The following ABL1 variants were observed in gnomAD, a reference collection of about 807,000 sequenced individuals.
The protein encoded by ABL1 is ABL proto-oncogene 1, non-receptor tyrosine kinase.
A neutral mutation model predicts 94.7 loss-of-function variants in ABL1; 11 were observed. That is an observed-to-expected ratio of 0.12 (90% CI 0.07 to 0.19). ABL1 has a LOEUF of 0.19. ABL1 is among the 10% of genes least tolerant of loss of function. The pLI is 1.00. For missense variants in ABL1, 1,082 were observed against 1,489.4 expected (o/e 0.73, Z 4.50); for synonymous variants, 656 against 622.4 (o/e 1.05, Z -0.80).
chr9:130,787,134 C>T (rs1412261700), intron 1 of ABL1, among the ~76,000 whole-genome samples: 2 of 152,186 alleles, frequency 1.3e-5, no homozygotes, highest in Non-Finnish European at 2.9e-5. Flanking sequence ...CTTTTCCCAT[C>T]CTTTTACTCG....
At chr9:130,791,020 CA>C in intron 1 of ABL1, among the ~76,000 whole-genome samples, 1 of 152,020 alleles carries the variant, frequency 6.6e-6, no homozygotes, top group Admixed American at 6.5e-5. Context: ...TAATGAGAGA[CA>C]AAAATTCTCT....
At chr9:130,788,567 C>G (rs1415456331) in intron 1 of ABL1, among the ~76,000 whole-genome samples, 1 of 152,176 alleles carries the variant, frequency 6.6e-6, no homozygotes, top group Non-Finnish European at 1.5e-5. Context: ...AATGTCCTTT[C>G]TAGCAATTAC....
chr9:130,766,624 A>G (rs1340859622), intron 1 of ABL1, among the ~76,000 whole-genome samples: 1 of 151,866 alleles, frequency 6.6e-6, no homozygotes, highest in Non-Finnish European at 1.5e-5. Flanking sequence ...CCCCAGCATC[A>G]TCTCCCCCCA....
At chr9:130,736,921 T>G (rs1191561723) in intron 1 of ABL1, among the ~76,000 whole-genome samples, 2 of 152,172 alleles carry the variant, frequency 1.3e-5, no homozygotes, top group Non-Finnish European at 2.9e-5. Context: ...CTATATAGAA[T>G]CCAGTACCCT....
At chr9:130,851,391 C>G (rs1344939117) in intron 1 of ABL1, among the ~76,000 whole-genome samples, 1 of 152,112 alleles carries the variant, frequency 6.6e-6, no homozygotes, top group Non-Finnish European at 1.5e-5. Flanking sequence ...CTTACCCTTT[C>G]AGAGAAACAG....
intron 1 of ABL1, among the ~76,000 whole-genome samples, chr9:130,826,955 G>T (rs1223922556): frequency 6.6e-6 from 1 of 152,210 alleles, no homozygotes; most frequent in Non-Finnish European, 1.5e-5. Context: ...GCGGGCGCCT[G>T]TAGTCCCAGC....
At chr9:130,848,367 A>G (rs1394127217) in intron 1 of ABL1, among the ~76,000 whole-genome samples, 1 of 143,684 alleles carries the variant, frequency 7.0e-6, no homozygotes, top group Non-Finnish European at 1.5e-5. Context: ...AAAAAAAAAA[A>G]CTTAGCCAGG....
chr9:130,869,476 A>G (rs769493222), intron 4 of ABL1, among the ~76,000 whole-genome samples: 17 of 152,218 alleles, frequency 1.1e-4, no homozygotes, highest in Non-Finnish European at 2.1e-4. Context: ...ACACAGCAGC[A>G]GAGCTAGGTC....
chr9:130,740,534 A>G (rs1040191116), intron 1 of ABL1, among the ~76,000 whole-genome samples: 2 of 152,228 alleles, frequency 1.3e-5, no homozygotes, highest in South Asian at 2.1e-4. Flanking sequence ...TGGTGGTACT[A>G]TGCCACAGCA....
chr9:130,773,621 GCTAA>G (rs1476398696), intron 1 of ABL1, among the ~76,000 whole-genome samples: 1 of 149,290 alleles, frequency 6.7e-6, no homozygotes. Context: ...ATCATGCCTG[GCTAA>G]CTCTTTTTTT....
upstream of ABL1, chr9:130,833,938 A>C: frequency 4.6e-6 from 2 of 439,278 alleles, no homozygotes; most frequent in Non-Finnish European, 9.4e-6. Context: ...TAGTTATTTG[A>C]CCAAAGATAT....
At chr9:130,804,060 G>GA (rs113128798) in intron 1 of ABL1, among the ~76,000 whole-genome samples, 192 of 134,644 alleles carry the variant, frequency 1.4e-3, no homozygotes, top group Middle Eastern at 3.7e-3. Context: ...GACCTCTTAA[G>GA]AAAAAAAAAA....
chr9:130,826,569 A>C (rs1385655777), intron 1 of ABL1, among the ~76,000 whole-genome samples: 2 of 152,206 alleles, frequency 1.3e-5, no homozygotes, highest in Non-Finnish European at 2.9e-5. Flanking sequence ...GACCTTGATT[A>C]AGAGTGAGCT....
chr9:130,829,289 G>A (rs1351545055), intron 1 of ABL1, among the ~76,000 whole-genome samples: 6 of 152,124 alleles, frequency 3.9e-5, no homozygotes, highest in Admixed American at 6.5e-5. Context: ...GCCCGGGCAC[G>A]GTGGCTCACA....
intron 1 of ABL1, chr9:130,724,998 A>G (rs1033500570): frequency 6.7e-6 from 2 of 300,686 alleles, no homozygotes; most frequent in Non-Finnish European, 1.4e-5. Flanking sequence ...GTGGCCGCAC[A>G]ACGTGTGCAT....
rs1224075422 is a variant in ABL1, at chr9:130,814,515, C to T, written c.137-39549C>T. Reference sequence around the variant, plus strand: ...TCTAAAGATATTGAAAGTGTAATAACTGAATATTGATCAGCAATCTAGAAG... The same window carrying T: ...TCTAAAGATATTGAAAGTGTAATAATTGAATATTGATCAGCAATCTAGAAG... On this transcript the variant is annotated intron_variant, in intron 1 of 10. Coordinates refer to the ABL1 transcript ENST00000372348. The surrounding 1 kb of genome is among the most constrained non-coding windows in gnomAD (Gnocchi z 4.4). 6.6e-6 allele frequency among the ~76,000 whole-genome samples: 1 copy of T among 152,226 alleles called. No individual in the cohort carries two copies. The highest frequency in any genetic ancestry group is 6.5e-5 in the Admixed American group (1 of 15,284).
At chr9:130,807,705 T>G (rs1297256032) in intron 1 of ABL1, among the ~76,000 whole-genome samples, 2 of 139,126 alleles carry the variant, frequency 1.4e-5, no homozygotes, top group Non-Finnish European at 3.1e-5. Flanking sequence ...GTTTTTTTTT[T>G]TTTTTTTTTT....
chr9:130,846,818 C>A (rs991254063), intron 1 of ABL1, among the ~76,000 whole-genome samples: 1 of 152,206 alleles, frequency 6.6e-6, no homozygotes, highest in East Asian at 1.9e-4. Flanking sequence ...ATGCCATGTC[C>A]GAGAATCTTT....
chr9:130,858,802 C>T (rs1196723064), intron 3 of ABL1, among the ~76,000 whole-genome samples: 1 of 152,196 alleles, frequency 6.6e-6, no homozygotes. Flanking sequence ...TAGAAAACAA[C>T]TGAATTTAGA....
Sources: allele counts gnomAD v4.1 joint callset (sites outside exome capture counted in the v4.1 genomes callset), GRCh38; gene constraint gnomAD v4.1.1; non-coding constraint Gnocchi (gnomAD v3.1); transcripts MANE v1.5; gene names NCBI Gene and HGNC (gene_info 2026-07-23, HGNC 2026-07-21).